Variants in COL24A1 observed in about 807,000 individuals in gnomAD.
COL24A1 encodes the protein collagen alpha-1(XXIV) chain.
In COL24A1, 224 loss-of-function variants were observed where a neutral mutation model predicts 253.9. The ratio of observed to expected loss-of-function variants is 0.88; its 90% CI spans 0.79 to 0.99. The LOEUF is 0.99. Among genes scored for constraint, COL24A1 ranks in the 50% least tolerant of loss-of-function variants. COL24A1 has a pLI of 0.00. For missense variants in COL24A1, 2,131 were observed against 2,068.5 expected, an observed-to-expected ratio of 1.03 and a Z score of -0.59; for synonymous variants, 685 against 673.7, an observed-to-expected ratio of 1.02 and a Z score of -0.26.
intron 22 of COL24A1, among the ~76,000 whole-genome samples, chr1:85,967,907 T>A (rs1691730060): frequency 1.3e-5 from 2 of 152,118 alleles, no homozygotes; most frequent in Admixed American, 6.6e-5. Context: ...TCTGTGAGAG[T>A]GTTGCCAAAA....
chr1:85,870,430 T>G (rs1395480452), intron 35 of COL24A1, among the ~76,000 whole-genome samples: 1 of 152,180 alleles, frequency 6.6e-6, no homozygotes, highest in Non-Finnish European at 1.5e-5. Flanking sequence ...ATTCCAAAAT[T>G]GACCACATAG....
intron 39 of COL24A1, among the ~76,000 whole-genome samples, chr1:85,843,122 A>G (rs1676800649): frequency 6.6e-6 from 1 of 152,202 alleles, no homozygotes; most frequent in African/African-American, 2.4e-5. Context: ...AGATGGGAAA[A>G]TTAAGGCACA....
At chr1:85,927,493 C>A (rs777774136) in intron 24 of COL24A1, among the ~76,000 whole-genome samples, 2,630 of 129,300 alleles carry the variant, frequency 0.02, 30 homozygotes, top group Non-Finnish European at 0.032. Flanking sequence ...AAGGCGGCAA[C>A]GAGGCTGGGG....
At chr1:86,070,260 G>C (rs1201242592) in intron 7 of COL24A1, among the ~76,000 whole-genome samples, 2 of 152,136 alleles carry the variant, frequency 1.3e-5, no homozygotes, top group Admixed American at 1.3e-4. Context: ...CTTGAAGACA[G>C]GCTATTTGAC....
chr1:86,075,847 T>C (rs1557515461), intron 7 of COL24A1, among the ~76,000 whole-genome samples: 3 of 152,144 alleles, frequency 2.0e-5, no homozygotes, highest in Non-Finnish European at 2.9e-5. Context: ...TCAACAGCCC[T>C]TCATGCTAAA....
At chr1:85,950,326 G>A (rs1689766403) in intron 24 of COL24A1, among the ~76,000 whole-genome samples, 2 of 152,188 alleles carry the variant, frequency 1.3e-5, no homozygotes, top group South Asian at 2.1e-4. Context: ...AAGAATGGAT[G>A]CAAAACATAT....
chr1:85,739,332 T>A (rs1470270985), intron 57 of COL24A1, among the ~76,000 whole-genome samples: 1 of 152,208 alleles, frequency 6.6e-6, no homozygotes, highest in African/African-American at 2.4e-5. Flanking sequence ...TCAGGTGTTA[T>A]ATTCTATTTG....
chr1:86,000,672 C>T (rs1450043621), intron 19 of COL24A1, among the ~76,000 whole-genome samples: 3 of 152,136 alleles, frequency 2.0e-5, no homozygotes, highest in African/African-American at 7.2e-5. Context: ...ATTTTTGAAA[C>T]TCACTTCAGT....
intron 7 of COL24A1, among the ~76,000 whole-genome samples, chr1:86,067,879 C>T (rs1418215868): frequency 6.6e-6 from 1 of 152,084 alleles, no homozygotes; most frequent in Non-Finnish European, 1.5e-5. Flanking sequence ...TATACTCATA[C>T]AGGAAGAATA....
chr1:85,859,601 A>G (rs1167550038), intron 37 of COL24A1, among the ~76,000 whole-genome samples: 2 of 151,708 alleles, frequency 1.3e-5, no homozygotes, highest in Non-Finnish European at 2.9e-5. Context: ...TTGTTGTTAT[A>G]TTTTTTTTAG....
At chr1:86,041,922 A>G (rs191859475) in intron 12 of COL24A1, among the ~76,000 whole-genome samples, 277 of 152,262 alleles carry the variant, frequency 1.8e-3, no homozygotes, top group African/African-American at 6.0e-3. Flanking sequence ...GGATGAATCA[A>G]TAATAGCCTC....
chr1:85,843,010 A>AAAAC (rs577624333), intron 39 of COL24A1, among the ~76,000 whole-genome samples: 4 of 152,148 alleles, frequency 2.6e-5, no homozygotes, highest in African/African-American at 7.2e-5. Context: ...TTGAAAAAGT[A>AAAAC]AAACAAACAA....
chr1:86,077,381 C>T (rs564281789), intron 7 of COL24A1, among the ~76,000 whole-genome samples: 1 of 152,300 alleles, frequency 6.6e-6, no homozygotes, highest in East Asian at 1.9e-4. Context: ...AGCTTTTACA[C>T]TGTTGGTTGG....
chr1:85,783,729 T>C (rs1425186377), intron 50 of COL24A1, among the ~76,000 whole-genome samples, 171 bp from the exon 51 acceptor site: 1 of 152,128 alleles, frequency 6.6e-6, no homozygotes, highest in Non-Finnish European at 1.5e-5. Context: ...TACTTAGAAA[T>C]ACACCAATGA....
At chr1:85,987,238 T>C (rs551690787) in intron 20 of COL24A1, among the ~76,000 whole-genome samples, 30 of 152,004 alleles carry the variant, frequency 2.0e-4, no homozygotes, top group Non-Finnish European at 3.4e-4. Context: ...GGCTTTCTTT[T>C]ATTTCAATCA....
intron 43 of COL24A1, among the ~76,000 whole-genome samples, chr1:85,830,588 G>C (rs572174517): frequency 1.3e-5 from 2 of 152,258 alleles, no homozygotes; most frequent in South Asian, 4.1e-4. Flanking sequence ...CGTGGGCATA[G>C]GACCCTCTGA....
At chr1:85,947,999 C>T (rs1689494226) in intron 24 of COL24A1, among the ~76,000 whole-genome samples, 1 of 152,106 alleles carries the variant, frequency 6.6e-6, no homozygotes, top group Admixed American at 6.5e-5. Flanking sequence ...ACAGTTTATT[C>T]CTTTTTTCCC....
At chr1:86,138,512 T>C (rs529921544) in intron 2 of COL24A1, among the ~76,000 whole-genome samples, 3 of 152,254 alleles carry the variant, frequency 2.0e-5, no homozygotes, top group East Asian at 3.9e-4. Context: ...CAATAGTGAA[T>C]GGGTTTCACT....
intron 4 of COL24A1, among the ~76,000 whole-genome samples, chr1:86,113,711 T>G (rs908667326): frequency 6.6e-6 from 1 of 151,538 alleles, no homozygotes; most frequent in Non-Finnish European, 1.5e-5. Flanking sequence ...GGCCCACACC[T>G]GTAGTCCCAG....
Sources: gnomAD v4.1 joint callset for allele counts (sites outside exome capture counted in the v4.1 genomes callset) on GRCh38, gnomAD v4.1.1 for gene constraint, MANE v1.5 for transcripts, NCBI Gene and HGNC (gene_info 2026-07-23, HGNC 2026-07-21) for gene names.